SMAP1: variants seen among roughly 807,000 people sequenced by gnomAD.
SMAP1 encodes the protein small ArfGAP 1.
Under a neutral mutation model 58.5 loss-of-function variants are expected in SMAP1, and 24 were observed. The ratio of observed to expected loss-of-function variants is 0.41; its 90% CI spans 0.30 to 0.58. The LOEUF (loss-of-function observed/expected upper bound fraction) is 0.58. Among genes scored for constraint, SMAP1 ranks in the 20% least tolerant of loss-of-function variants. SMAP1 has a pLI of 0.29. For synonymous variants in SMAP1, 216 were observed against 196.6 expected (o/e 1.10, Z -0.82); for missense variants, 563 against 566.3 (o/e 0.99, Z 0.06).
chr6:70,758,120 C>G (rs1043815698), intron 3 of SMAP1, among the ~76,000 whole-genome samples: 3 of 150,614 alleles, frequency 2.0e-5, no homozygotes, highest in Non-Finnish European at 4.5e-5. Context: ...GGAACCAACC[C>G]AAATGTCCAA....
intron 7 of SMAP1, among the ~76,000 whole-genome samples, chr6:70,843,716 G>A (rs1310314056): frequency 1.3e-5 from 2 of 152,188 alleles, no homozygotes; most frequent in Non-Finnish European, 2.9e-5. Flanking sequence ...GGGACACTTG[G>A]TTTAGAGGTA....
Position 70,861,175 on chromosome 6 carries a change from A to T in SMAP1, c.*841A>T. ...TAAACATGACTCCATAGACCTTTTC[A>T]TTTGTGGGTTTTTATTTCCTATGAT... On this transcript the variant is annotated 3_prime_UTR_variant, in exon 11 of 11. Transcript: ENST00000370455. 6.1e-6 allele frequency: 1 copy of T among 164,158 alleles called. No homozygotes were observed. 10.2% of individuals were successfully genotyped at this position (164,158 alleles called of 1,614,324 possible). A position where few individuals can be genotyped will look rare whatever the true frequency, so the allele number is the denominator to read the frequency against.
At chr6:70,670,671 A>G (rs1353248498) in intron 1 of SMAP1, among the ~76,000 whole-genome samples, 1 of 152,214 alleles carries the variant, frequency 6.6e-6, no homozygotes. Flanking sequence ...AAATTGCATC[A>G]AACTTTTCAT....
At chr6:70,783,286 C>T (rs1767843292) in intron 4 of SMAP1, among the ~76,000 whole-genome samples, 1 of 152,104 alleles carries the variant, frequency 6.6e-6, no homozygotes, top group African/African-American at 2.4e-5. Context: ...GACATCCACA[C>T]CAGAAACCCA....
chr6:70,725,099 T>G (rs1322885717), intron 1 of SMAP1, among the ~76,000 whole-genome samples: 7 of 14,040 alleles, frequency 5.0e-4, no homozygotes, highest in Non-Finnish European at 9.3e-4. Flanking sequence ...CAGTGTTTTT[T>G]TTTTTTTTTT....
chr6:70,789,592 CTTTTTTT>C (rs200041762), intron 4 of SMAP1, among the ~76,000 whole-genome samples: 16 of 135,670 alleles, frequency 1.2e-4, no homozygotes, highest in African/African-American at 4.1e-4. Flanking sequence ...TTTCTTTTTT[CTTTTTTT>C]TTTTTTTGGT....
At chr6:70,758,274 A>G (rs1160248696) in intron 3 of SMAP1, among the ~76,000 whole-genome samples, 1 of 151,436 alleles carries the variant, frequency 6.6e-6, no homozygotes, top group Non-Finnish European at 1.5e-5. Context: ...GCAAGAACAA[A>G]AAACCAAACA....
intron 1 of SMAP1, among the ~76,000 whole-genome samples, chr6:70,689,521 T>C (rs1162467814): frequency 6.6e-6 from 1 of 152,188 alleles, no homozygotes; most frequent in Non-Finnish European, 1.5e-5. Flanking sequence ...CTTCCAACTT[T>C]GTTATTTTTT....
At chr6:70,859,464 A>G (rs898439951) in intron 10 of SMAP1, 2 of 1,188,426 alleles carry the variant, frequency 1.7e-6, no homozygotes, top group African/African-American at 1.5e-5. Flanking sequence ...CTGATTAGTG[A>G]TGTAGTTTAT....
At chr6:70,695,846 A>G (rs945788501) in intron 1 of SMAP1, among the ~76,000 whole-genome samples, 1 of 152,142 alleles carries the variant, frequency 6.6e-6, no homozygotes, top group Non-Finnish European at 1.5e-5. Context: ...TTTGAGTAGG[A>G]TTGGTATTAG....
At chr6:70,716,288 G>C (rs1332009195) in intron 1 of SMAP1, among the ~76,000 whole-genome samples, 1 of 152,168 alleles carries the variant, frequency 6.6e-6, no homozygotes, top group African/African-American at 2.4e-5. Context: ...TCCCATCTGG[G>C]GGTGATGGGA....
intron 7 of SMAP1, among the ~76,000 whole-genome samples, chr6:70,840,886 T>G (rs141458422): frequency 3.0e-4 from 46 of 152,354 alleles, no homozygotes; most frequent in Middle Eastern, 3.4e-3. Context: ...GACTTGAGTA[T>G]GCACGTCCTA....
At chr6:70,777,812 G>GTGCT (rs1271180811) in intron 4 of SMAP1, among the ~76,000 whole-genome samples, 3 of 151,738 alleles carry the variant, frequency 2.0e-5, no homozygotes, top group African/African-American at 7.3e-5. Context: ...GAGTGTAATG[G>GTGCT]TGCAATCTCA....
intron 1 of SMAP1, among the ~76,000 whole-genome samples, chr6:70,721,694 G>T (rs1768534278): frequency 6.6e-6 from 1 of 152,116 alleles, no homozygotes; most frequent in Non-Finnish European, 1.5e-5. Context: ...GGTTTAATTG[G>T]ACTTACAGTT....
At position 70,709,616 on chromosome 6, in the gene SMAP1, C is replaced by A. The variant is rs569996647; in HGVS notation, c.119-22762C>A. Among the ~76,000 whole-genome samples, 7 of 152,250 alleles carry A rather than the reference C, an allele frequency of 4.6e-5. No individual in the cohort carries two copies. The South Asian group carries it at 1.5e-3, about 32-fold the overall frequency. On this transcript the variant is annotated intron_variant, in intron 1 of 10. Transcript: ENST00000370455. ...GGATTATAGGTGTGAGCCACTGCAC[C>A]CATCCTATAATATGATTTGAAATCA...
At chr6:70,818,854 A>G (rs1254243581) in intron 6 of SMAP1, among the ~76,000 whole-genome samples, 1 of 152,174 alleles carries the variant, frequency 6.6e-6, no homozygotes, top group Non-Finnish European at 1.5e-5. Context: ...CTTTTAAAAT[A>G]TCAACTTTAT....
At chr6:70,725,185 C>T (rs12214186) in intron 1 of SMAP1, among the ~76,000 whole-genome samples, 67,826 of 142,430 alleles carry the variant, frequency 0.48, 15,922 homozygotes, top group Middle Eastern at 0.51. Context: ...GGCGTGATCT[C>T]GGCTCACTGC....
At chr6:70,832,484 T>G (rs1389260999) in intron 6 of SMAP1, among the ~76,000 whole-genome samples, 2 of 152,208 alleles carry the variant, frequency 1.3e-5, no homozygotes, top group Non-Finnish European at 2.9e-5. Flanking sequence ...TGTTTTCAGG[T>G]TTTTTGGAAC....
chr6:70,793,187 A>G (rs1050396747), intron 5 of SMAP1, among the ~76,000 whole-genome samples: 1 of 152,076 alleles, frequency 6.6e-6, no homozygotes, highest in Non-Finnish European at 1.5e-5. Flanking sequence ...GGTGCGCACC[A>G]CCATGCCCAG....
Sources: gnomAD v4.1 joint callset for allele counts (sites outside exome capture counted in the v4.1 genomes callset) on GRCh38, gnomAD v4.1.1 for gene constraint, MANE v1.5 for transcripts, NCBI Gene and HGNC (gene_info 2026-07-23, HGNC 2026-07-21) for gene names.